The following DEPDC7 variants were observed in gnomAD, a reference collection of about 807,000 sequenced individuals.
DEPDC7 encodes the protein DEP domain-containing protein 7.
Under a neutral mutation model 56.6 loss-of-function variants are expected in DEPDC7, and 41 were observed. The ratio of observed to expected loss-of-function variants is 0.72; its 90% CI spans 0.56 to 0.94. The LOEUF (loss-of-function observed/expected upper bound fraction) is 0.94. Among genes scored for constraint, DEPDC7 ranks in the 40% least tolerant of loss-of-function variants. DEPDC7 has a pLI of 0.00. For missense variants in DEPDC7, 522 were observed against 596.3 expected (o/e 0.88, Z 1.30); for synonymous variants, 185 against 208.8 (o/e 0.89, Z 0.98).
At chr11:33,029,333 A>C (rs1427551167) in intron 4 of DEPDC7, among the ~76,000 whole-genome samples, 2 of 151,852 alleles carry the variant, frequency 1.3e-5, no homozygotes, top group Non-Finnish European at 2.9e-5. Flanking sequence ...CCCCGACTCT[A>C]CTAAAAATAC....
chr11:33,032,288 A>G (rs1053715809), intron 5 of DEPDC7, 48 bp from the exon 6 acceptor site: 2 of 1,499,292 alleles, frequency 1.3e-6, no homozygotes, highest in East Asian at 5.0e-5. Flanking sequence ...TCCCTTTAAT[A>G]TAGTCATATT....
chr11:33,020,432 C>T (rs569675946), intron 1 of DEPDC7, among the ~76,000 whole-genome samples: 2 of 152,200 alleles, frequency 1.3e-5, no homozygotes, highest in East Asian at 3.9e-4. Flanking sequence ...GTTAACTAGC[C>T]TAGATTTATA....
At position 33,015,929 on chromosome 11, in the gene DEPDC7, G is replaced by A. The variant is rs1187371832; in HGVS notation, c.-27G>A. 28 of 1,560,182 alleles carry A rather than the reference G, an allele frequency of 1.8e-5. No homozygotes were observed. Among genetic ancestry groups the A allele is most frequent in the African/African-American group, 4.1e-5 (3 of 72,744 alleles). On this transcript the variant is annotated 5_prime_UTR_variant, in exon 1 of 9. Transcript: ENST00000241051. ...GCTAGGGAGCTGTGAAGCTGCTGGA[G>A]GAGTTGGCGTCCGGGGAGCAAGGGC... is the stretch of plus-strand genomic sequence containing the variant.
At chr11:33,029,002 A>G (rs1023417747) in intron 4 of DEPDC7, among the ~76,000 whole-genome samples, 1 of 145,956 alleles carries the variant, frequency 6.9e-6, no homozygotes, top group Admixed American at 7.0e-5. Flanking sequence ...TTTGTTTCAC[A>G]TGTAACTTGC....
At chr11:33,016,281 ACT>A (rs1422799913) in intron 1 of DEPDC7, 2 of 1,380,488 alleles carry the variant, frequency 1.4e-6, no homozygotes, top group Non-Finnish European at 1.9e-6. Context: ...TTCTACCCAG[ACT>A]CTCAACTTGA....
chr11:33,027,010 G>A (rs188829697), intron 2 of DEPDC7, among the ~76,000 whole-genome samples: 44 of 152,190 alleles, frequency 2.9e-4, no homozygotes, highest in Non-Finnish European at 1.9e-4. Context: ...ATAAAGTAAG[G>A]CACAGTCAAA....
At chr11:33,026,164 G>A in intron 2 of DEPDC7, 115 bp downstream of exon 2, 1 of 1,130,286 alleles carries the variant, frequency 8.8e-7, no homozygotes. Context: ...GCTAAAATAT[G>A]GGTCTGTGGG....
intron 1 of DEPDC7, chr11:33,016,712 G>A (rs1200726125): frequency 1.2e-5 from 10 of 859,968 alleles, no homozygotes; most frequent in South Asian, 8.0e-5. Flanking sequence ...TGTCTTTTGG[G>A]GGCAGTTGAT....
chr11:33,032,167 G>A (rs1853639336), intron 5 of DEPDC7, among the ~76,000 whole-genome samples, 169 bp from the exon 6 acceptor site: 1 of 152,190 alleles, frequency 6.6e-6, no homozygotes, highest in Non-Finnish European at 1.5e-5. Context: ...TTGAGAACAA[G>A]CTGCCTTTAT....
intron 2 of DEPDC7, chr11:33,026,287 A>C: frequency 1.9e-6 from 1 of 526,912 alleles, no homozygotes; most frequent in Non-Finnish European, 3.4e-6. Flanking sequence ...TTCAGGTTAT[A>C]GTTGCAGTGT....
At position 33,031,232 on chromosome 11, in the gene DEPDC7, T is replaced by C; in HGVS notation, c.783-146T>C. 4 of 619,790 alleles carry C rather than the reference T, an allele frequency of 6.5e-6. 1 individual carries two copies. The South Asian group carries it at 7.9e-5, about 12-fold the overall frequency. The allele number at this position is 619,790 out of a possible 1,614,324, so 38.4% of individuals were successfully genotyped here. A position where few individuals can be genotyped will look rare whatever the true frequency, so the allele number is the denominator to read the frequency against. ...GATCTAGCTATATATTAAAAAGAAC[T>C]ACACATATCTTTTAAGCTCATGTAG... On this transcript the variant is annotated intron_variant, in intron 4 of 8. Coordinates refer to ENST00000241051, the MANE Select transcript of DEPDC7 (RefSeq NM_001077242.2).
At position 33,025,750 on chromosome 11, in the gene DEPDC7, A is replaced by C. The variant is rs1330185793; in HGVS notation, c.165A>C (p.Arg55=). ...AAACACAAGTGGAAGTGAAAAAACGAAGGCACCGTTTAAAACGACATAATG... is the reference window on the plus strand; with the variant it reads ...AAACACAAGTGGAAGTGAAAAAACGCAGGCACCGTTTAAAACGACATAATG... ...TLQTQVEVKK[R]RHRLKRHNDC... Residue 55 remains arginine (R), a synonymous_variant, in exon 2 of 9, where the codon CGA becomes CGC. Coordinates refer to ENST00000241051, the MANE Select transcript of DEPDC7 (RefSeq NM_001077242.2). 2 of 1,614,116 alleles carry C rather than the reference A, an allele frequency of 1.2e-6. No homozygotes were observed.
At chr11:33,024,848 T>C (rs1479839876) in intron 1 of DEPDC7, among the ~76,000 whole-genome samples, 1 of 148,276 alleles carries the variant, frequency 6.7e-6, no homozygotes. Flanking sequence ...GTATGACTCA[T>C]AAGTACTTCA....
chr11:33,031,875 G>A (rs887610443), intron 5 of DEPDC7, among the ~76,000 whole-genome samples: 1 of 152,122 alleles, frequency 6.6e-6, no homozygotes, highest in Admixed American at 6.5e-5. Flanking sequence ...AGAGTTATCA[G>A]CACCACCATT....
In DEPDC7 at chr11:33,032,677, C is replaced by T. The variant is rs1376367564; in HGVS notation, c.1147C>T (p.Arg383Ter). ...EFKLQKESDNRMVVKRIFSKA... is the reference protein window; with the variant it reads ...EFKLQKESDN ...TGTTTTATTTTTATAGAGTGACAAC[C>T]GAATGGTTGTGAAAAGGATATTCTC... The change falls in exon 7 of 9, where the codon CGA becomes TGA. Residue 383 changes from arginine (R) to a stop codon, truncating the protein, a stop_gained. Coordinates refer to ENST00000241051, the MANE Select transcript of DEPDC7 (RefSeq NM_001077242.2). LOFTEE classifies it high-confidence loss of function. 1.3e-5 allele frequency: 20 copies of T among 1,581,002 alleles called. No individual in the cohort carries two copies. Among genetic ancestry groups the T allele is most frequent in the East Asian group, 2.3e-5 (1 of 44,384 alleles).
intron 1 of DEPDC7, among the ~76,000 whole-genome samples, chr11:33,017,028 CCA>C (rs1478548170): frequency 1.3e-5 from 2 of 152,148 alleles, no homozygotes; most frequent in African/African-American, 4.8e-5. Flanking sequence ...CTCAGTGGCC[CCA>C]CTCTTGTGTT....
intron 4 of DEPDC7, among the ~76,000 whole-genome samples, chr11:33,029,454 T>A (rs1416709436): frequency 7.0e-6 from 1 of 141,988 alleles, no homozygotes; most frequent in Non-Finnish European, 1.5e-5. Flanking sequence ...ATCATGTTGC[T>A]GCATTCCAGC....
At chr11:33,033,151 C>A in intron 8 of DEPDC7, 111 bp from the exon 9 acceptor site, 4 of 932,448 alleles carry the variant, frequency 4.3e-6, no homozygotes, top group Non-Finnish European at 6.4e-6. Context: ...ATCTTCAGTG[C>A]ATATTACAAA....
chr11:33,018,736 A>G (rs991534105), intron 1 of DEPDC7, among the ~76,000 whole-genome samples: 1 of 152,218 alleles, frequency 6.6e-6, no homozygotes, highest in East Asian at 1.9e-4. Context: ...ATTGATACAT[A>G]TAATTATTAA....
Sources: allele counts gnomAD v4.1 joint callset (sites outside exome capture counted in the v4.1 genomes callset), GRCh38; gene constraint gnomAD v4.1.1; transcripts MANE v1.5; gene names NCBI Gene and HGNC (gene_info 2026-07-23, HGNC 2026-07-21).